The following VPS35L variants were observed in gnomAD, a reference collection of about 807,000 sequenced individuals.
VPS35L encodes VPS35 endosomal protein sorting factor like.
VPS35L carries 83 observed loss-of-function variants against 133.0 expected under a neutral mutation model. The observed-to-expected ratio is 0.62, with a 90% CI of 0.52 to 0.75. VPS35L has a LOEUF of 0.75. VPS35L is among the 30% of genes least tolerant of loss of function. The probability of loss-of-function intolerance (pLI) is 0.00; values close to 1 mark genes in which losing one functional copy is unlikely to be tolerated. For synonymous variants in VPS35L, 423 were observed against 449.9 expected, an observed-to-expected ratio of 0.94 and a Z score of 0.76; for missense variants, 1,083 against 1,206.8, an observed-to-expected ratio of 0.90 and a Z score of 1.52.
rs776534715 is a variant in VPS35L, at chr16:19,607,982, G to A, written c.785-196G>A. The stretch of plus-strand genomic sequence containing the variant: ...GAGCTGTCTGTAAAGCACTGCGAAC[G>A]ACACTTGGCACTTAGAAAGCCTGTG... On this transcript the variant is annotated intron_variant, in intron 9 of 30. Transcript: ENST00000417362. 2.7e-4 allele frequency: 156 copies of A among 570,366 alleles called. 1 individual carries two copies. The highest frequency in any genetic ancestry group is 4.2e-4 in the Non-Finnish European group (133 of 319,900). 35.3% of individuals were successfully genotyped at this position (570,366 alleles called of 1,614,324 possible).
intron 8 of VPS35L, among the ~76,000 whole-genome samples, chr16:19,599,260 C>T (rs1025302654): frequency 6.6e-6 from 1 of 152,160 alleles, no homozygotes; most frequent in African/African-American, 2.4e-5. Context: ...TGCATCCAGA[C>T]CATTTAGAAG....
intron 12 of VPS35L, among the ~76,000 whole-genome samples, chr16:19,613,106 A>G (rs58723271): frequency 0.03 from 4,639 of 152,190 alleles, 226 homozygotes; most frequent in African/African-American, 0.1. Flanking sequence ...TTCAAGACCA[A>G]CCTGGCCAAC....
intron 6 of VPS35L, chr16:19,579,738 TTA>T (rs10559801): frequency 0.55 from 83,292 of 151,944 alleles, 26,099 homozygotes; most frequent in African/African-American, 0.85. Context: ...AGAAGCAGCC[TTA>T]TATGGAGCAC....
chr16:19,667,033 GGCTCACT>G (rs1974716952), intron 26 of VPS35L, among the ~76,000 whole-genome samples: 1 of 146,314 alleles, frequency 6.8e-6, no homozygotes, highest in East Asian at 2.0e-4. Flanking sequence ...GCCCAGGCTC[GGCTCACT>G]GCAACCTCTG....
intron 26 of VPS35L, among the ~76,000 whole-genome samples, chr16:19,661,699 G>A (rs1974491049): frequency 6.6e-6 from 1 of 152,192 alleles, no homozygotes; most frequent in South Asian, 2.1e-4. Context: ...ACGGTGCAGT[G>A]CAGAACAGCA....
At position 19,561,957 on chromosome 16, in the gene VPS35L, A is replaced by G. The variant is rs999649089; in HGVS notation, c.18-2894A>G. 2.0e-5 allele frequency among the ~76,000 whole-genome samples: 3 copies of G among 151,940 alleles called. 1 individual carries two copies. The highest frequency in any genetic ancestry group is 1.3e-4 in the Admixed American group (2 of 15,248). The stretch of plus-strand genomic sequence containing the variant: ...CCCGTTTCTAATAAAAAATACAAAA[A>G]TTAGCCGGGCGTGGGGGTGTGCCTG... On this transcript the variant is annotated intron_variant, in intron 1 of 30. Coordinates refer to ENST00000417362, the MANE Select transcript of VPS35L (RefSeq NM_020314.7).
intron 7 of VPS35L, among the ~76,000 whole-genome samples, chr16:19,590,155 C>G (rs989763618): frequency 3.2e-5 from 3 of 94,190 alleles, no homozygotes; most frequent in African/African-American, 4.6e-5. Flanking sequence ...CCCCCCCCCC[C>G]CACAAATAAC....
At position 19,579,133 on chromosome 16, in the gene VPS35L, G is replaced by A. The variant is rs1231493158; in HGVS notation, c.510+5G>A. 6.2e-7 allele frequency: 1 copy of A among 1,613,376 alleles called. No individual in the cohort carries two copies. The highest frequency in any genetic ancestry group is 8.5e-7 in the Non-Finnish European group (1 of 1,179,652). On this transcript the variant is annotated splice_donor_5th_base_variant and intron_variant, in intron 6 of 30. Transcript: ENST00000417362. ...GAGCTGGATGACTTTGAGGAGGTGA[G>A]CAAGTCATTTGTGGAATACAGGGAG...
At chr16:19,637,826 C>T (rs566675391) in intron 20 of VPS35L, among the ~76,000 whole-genome samples, 170 bp downstream of exon 20, 8 of 151,860 alleles carry the variant, frequency 5.3e-5, no homozygotes, top group African/African-American at 1.4e-4. Context: ...TAGATTAAGC[C>T]GTATTTGAAA....
intron 7 of VPS35L, among the ~76,000 whole-genome samples, chr16:19,583,489 C>T (rs761713658): frequency 5.9e-5 from 9 of 152,074 alleles, no homozygotes; most frequent in Non-Finnish European, 8.8e-5. Flanking sequence ...AAGTAATTAG[C>T]ATATTCATCA....
At chr16:19,585,493 C>G (rs899637497) in intron 7 of VPS35L, among the ~76,000 whole-genome samples, 1 of 151,002 alleles carries the variant, frequency 6.6e-6, no homozygotes, top group Non-Finnish European at 1.5e-5. Flanking sequence ...GCCTCAAACT[C>G]TGGCCTCAAG....
intron 27 of VPS35L, among the ~76,000 whole-genome samples, chr16:19,674,840 A>G (rs1975007880): frequency 6.6e-6 from 1 of 152,146 alleles, no homozygotes; most frequent in Non-Finnish European, 1.5e-5. Context: ...TATTTCACAT[A>G]GTTTAATGCT....
intron 27 of VPS35L, among the ~76,000 whole-genome samples, chr16:19,671,864 T>C (rs534133265): frequency 5.2e-4 from 79 of 152,342 alleles, no homozygotes; most frequent in African/African-American, 1.9e-3. Flanking sequence ...TAAGCACCGC[T>C]GGTAGAGCTT....
At chr16:19,604,734 C>CT (rs1222328526) in intron 9 of VPS35L, among the ~76,000 whole-genome samples, 2 of 152,156 alleles carry the variant, frequency 1.3e-5, no homozygotes, top group Non-Finnish European at 2.9e-5. Flanking sequence ...TGTACTCATT[C>CT]TTTCCATTTA....
intron 28 of VPS35L, among the ~76,000 whole-genome samples, chr16:19,689,437 A>C (rs1975590134): frequency 6.6e-6 from 1 of 151,680 alleles, no homozygotes; most frequent in African/African-American, 2.4e-5. Flanking sequence ...TGCCCAGCTG[A>C]TTTTTTGTAT....
At chr16:19,567,274 G>A (rs569431178) in intron 2 of VPS35L, among the ~76,000 whole-genome samples, 8 of 152,292 alleles carry the variant, frequency 5.3e-5, no homozygotes, top group African/African-American at 1.9e-4. Context: ...ATCCTGTTAG[G>A]TTAGCAACAT....
intron 5 of VPS35L, among the ~76,000 whole-genome samples, chr16:19,576,717 G>A (rs1210146723): frequency 6.6e-6 from 1 of 151,444 alleles, no homozygotes; most frequent in African/African-American, 2.4e-5. Context: ...AGTGGGAACA[G>A]CTTTGTTATG....
chr16:19,608,312 G>C (rs1236030077), intron 10 of VPS35L, 38 bp downstream of exon 10: 2 of 1,398,158 alleles, frequency 1.4e-6, no homozygotes, highest in African/African-American at 1.5e-5. Flanking sequence ...TGATTTTAAA[G>C]ATAGGCTAAA....
chr16:19,656,972 T>G (rs528459559), intron 26 of VPS35L, among the ~76,000 whole-genome samples: 1 of 148,702 alleles, frequency 6.7e-6, no homozygotes, highest in Non-Finnish European at 1.5e-5. Flanking sequence ...GTTTTTTTTT[T>G]TTTTTTTTTT....
Sources: gnomAD v4.1 joint callset for allele counts (sites outside exome capture counted in the v4.1 genomes callset) on GRCh38, gnomAD v4.1.1 for gene constraint, MANE v1.5 for transcripts, NCBI Gene and HGNC (gene_info 2026-07-23, HGNC 2026-07-21) for gene names.